PAG1: variants seen among roughly 807,000 people sequenced by gnomAD.
The protein encoded by PAG1 is phosphoprotein associated with glycosphingolipid-enriched microdomains 1.
In PAG1, 23 loss-of-function variants were observed where a neutral mutation model predicts 31.7. The ratio of observed to expected loss-of-function variants is 0.73; its 90% CI spans 0.52 to 1.03. The LOEUF is 1.03. Among genes scored for constraint, PAG1 ranks in the 50% least tolerant of loss-of-function variants. The probability of loss-of-function intolerance (pLI) is 0.00; values close to 1 mark genes in which losing one functional copy is unlikely to be tolerated. For missense variants in PAG1, 473 were observed against 540.7 expected (o/e 0.87, Z 1.24); for synonymous variants, 214 against 210.3 (o/e 1.02, Z -0.15).
At chr8:81,067,012 A>T (rs752192884) in intron 2 of PAG1, among the ~76,000 whole-genome samples, 2 of 152,150 alleles carry the variant, frequency 1.3e-5, no homozygotes, top group Non-Finnish European at 2.9e-5. Context: ...AATAAAAAAA[A>T]GTAGCCAGGC....
chr8:81,047,525 C>T (rs1325032305), intron 2 of PAG1, among the ~76,000 whole-genome samples: 2 of 152,066 alleles, frequency 1.3e-5, no homozygotes, highest in African/African-American at 4.8e-5. Context: ...GGAATGTATA[C>T]AATAATCACT....
intron 2 of PAG1, among the ~76,000 whole-genome samples, chr8:81,065,033 G>A (rs967758403): frequency 3.3e-5 from 5 of 152,136 alleles, no homozygotes; most frequent in Non-Finnish European, 5.9e-5. Flanking sequence ...CCAAACCTCT[G>A]GCAAGGGATC....
chr8:81,096,972 G>T (rs187833318), intron 1 of PAG1, among the ~76,000 whole-genome samples: 213 of 152,234 alleles, frequency 1.4e-3, no homozygotes, highest in Middle Eastern at 6.8e-3. Context: ...GCAAACAGAG[G>T]GATGAGGAAG....
chr8:81,075,615 A>G (rs1809164146), intron 1 of PAG1, among the ~76,000 whole-genome samples: 1 of 152,206 alleles, frequency 6.6e-6, no homozygotes, highest in African/African-American at 2.4e-5. Context: ...AAGGATTCAT[A>G]CTATTGTTAC....
At chr8:81,006,025 C>A (rs1330556073) in intron 3 of PAG1, among the ~76,000 whole-genome samples, 3 of 152,228 alleles carry the variant, frequency 2.0e-5, no homozygotes, top group African/African-American at 7.2e-5. Flanking sequence ...TCACAGCAAC[C>A]TCTGCCACCC....
intron 3 of PAG1, among the ~76,000 whole-genome samples, chr8:81,014,845 T>A (rs2130696250): frequency 6.6e-6 from 1 of 152,276 alleles, no homozygotes; most frequent in African/African-American, 2.4e-5. Context: ...TGTTTGGGAA[T>A]GAGGTGCAAT....
At chr8:80,980,815 AAT>A (rs1269819410) in intron 7 of PAG1, among the ~76,000 whole-genome samples, 1 of 152,230 alleles carries the variant, frequency 6.6e-6, no homozygotes, top group Non-Finnish European at 1.5e-5. Context: ...ATGGAGGATT[AAT>A]ATTTAAAAAC....
intron 1 of PAG1, among the ~76,000 whole-genome samples, chr8:81,111,133 TG>T (rs1809766732): frequency 6.6e-6 from 1 of 152,224 alleles, no homozygotes; most frequent in Admixed American, 6.5e-5. Flanking sequence ...ATGAAAAGGT[TG>T]GCAACTTCTG....
intron 2 of PAG1, among the ~76,000 whole-genome samples, chr8:81,054,124 G>T (rs778920773): frequency 1.3e-5 from 2 of 152,116 alleles, no homozygotes; most frequent in Non-Finnish European, 2.9e-5. Context: ...CCCTTGGAAT[G>T]GACAAGATCA....
intron 2 of PAG1, among the ~76,000 whole-genome samples, chr8:81,045,589 T>C (rs1229257805): frequency 6.6e-5 from 10 of 152,166 alleles, no homozygotes. Flanking sequence ...TCTGGAGTTA[T>C]GAGAATGTTC....
intron 1 of PAG1, among the ~76,000 whole-genome samples, chr8:81,103,949 C>G (rs543335443): frequency 2.6e-5 from 4 of 152,196 alleles, no homozygotes; most frequent in Middle Eastern, 3.4e-3. Flanking sequence ...AGGAGAAAAA[C>G]AAATGGAAAA....
intron 3 of PAG1, among the ~76,000 whole-genome samples, chr8:81,010,456 A>G (rs1327616783): frequency 1.3e-5 from 2 of 152,208 alleles, no homozygotes; most frequent in Non-Finnish European, 2.9e-5. Context: ...AAATAGCATT[A>G]TTTTTAAGCA....
At chr8:81,056,126 T>C (rs1808818888) in intron 2 of PAG1, among the ~76,000 whole-genome samples, 1 of 152,206 alleles carries the variant, frequency 6.6e-6, no homozygotes, top group Non-Finnish European at 1.5e-5. Context: ...TTTTGAAATA[T>C]GTCCCATCAA....
chr8:81,078,359 T>G (rs73694070), intron 1 of PAG1, among the ~76,000 whole-genome samples: 14,509 of 152,150 alleles, frequency 0.095, 1,885 homozygotes, highest in African/African-American at 0.29. Context: ...AAGAACTAAG[T>G]CCTTCTTCAC....
Position 80,971,563 on chromosome 8 carries a change from T to C in PAG1, c.*4981A>G, listed in dbSNP as rs980405850. ...TGTAATACATGATTACGCAAGGTGA[T>C]ATGAGACAACCCAAGGGTAGCACAT... On this transcript the variant is annotated 3_prime_UTR_variant, in exon 9 of 9. Coordinates refer to ENST00000220597, the MANE Select transcript of PAG1 (RefSeq NM_018440.4). 6.6e-6 allele frequency: 1 copy of C among 152,206 alleles called. No homozygotes were observed. The highest frequency in any genetic ancestry group is 2.4e-5 in the African/African-American group (1 of 41,448). 9.4% of individuals were successfully genotyped at this position (152,206 alleles called of 1,614,324 possible).
At position 80,980,623 on chromosome 8, in the gene PAG1, A is replaced by G. The variant is rs1393072870; in HGVS notation, c.877-129T>C. On this transcript the variant is annotated intron_variant, in intron 7 of 8. Transcript: ENST00000220597. ...ATTTTTATGGAACCACGAAGAAATT[A>G]TGGGAAGAGAAACACTTATGCAATC... 4.7e-6 allele frequency: 3 copies of G among 637,968 alleles called. No individual in the cohort carries two copies. In the Admixed American group the frequency reaches 8.3e-5, roughly 18 times the overall value. 39.5% of individuals were successfully genotyped at this position (637,968 alleles called of 1,614,324 possible).
chr8:80,976,799 T>A lies in PAG1; in HGVS notation c.1044A>T (p.Pro348=), dbSNP rs192990865. 1.9e-5 allele frequency: 31 copies of A among 1,614,136 alleles called. No individual in the cohort carries two copies. The East Asian group carries it at 6.9e-4, about 36-fold the overall frequency. ...ESTYTSIQGD[P]QRSPSSCNDL... is the part of the protein sequence containing the mutation. The stretch of plus-strand genomic sequence containing the variant: ...CATTACAGGAGGAGGGTGACCTCTG[T>A]GGGTCCCCTTGAATGGAGGTGTAGG... Residue 348 remains proline (P), a synonymous_variant, in exon 9 of 9, where the codon CCA becomes CCT. Coordinates refer to ENST00000220597, the MANE Select transcript of PAG1 (RefSeq NM_018440.4).
chr8:81,110,619 C>A (rs1809758479), intron 1 of PAG1, among the ~76,000 whole-genome samples: 1 of 152,180 alleles, frequency 6.6e-6, no homozygotes, highest in Non-Finnish European at 1.5e-5. Flanking sequence ...TGAACAATTT[C>A]CACTTTTTCT....
Position 80,985,222 on chromosome 8 carries a change from T to C in PAG1, c.430A>G (p.Thr144Ala). 1.2e-6 allele frequency: 2 copies of C among 1,614,166 alleles called. No individual in the cohort carries two copies. The highest frequency in any genetic ancestry group is 1.7e-6 in the Non-Finnish European group (2 of 1,180,020). ...TCCACACTTCTCGCCGTGAGCATGG[T>C]ATCCACTGCGCTCTCGGGAGGGATT... Reference protein sequence around the residue: ...PRIPPESAVDTMLTARSVDGD... With the variant: ...PRIPPESAVDAMLTARSVDGD... The change falls in exon 7 of 9, where the codon ACC becomes GCC. Residue 144 changes from threonine to alanine, a missense_variant. By Grantham distance (58) the Thr-to-Ala change is moderately conservative. Transcript: ENST00000220597.
Sources: allele counts gnomAD v4.1 joint callset (sites outside exome capture counted in the v4.1 genomes callset), GRCh38; gene constraint gnomAD v4.1.1; transcripts MANE v1.5; gene names NCBI Gene and HGNC (gene_info 2026-07-23, HGNC 2026-07-21).